Variants in TBPL2 observed in about 807,000 individuals in gnomAD.
The protein encoded by TBPL2 is TATA box-binding protein-like 2.
In TBPL2, 40 loss-of-function variants were observed where a neutral mutation model predicts 38.2. The observed-to-expected ratio is 1.05, with a 90% confidence interval of 0.81 to 1.36. The LOEUF (loss-of-function observed/expected upper bound fraction) is 1.36. Ranked by LOEUF, TBPL2 falls within the 40% of genes most tolerant of loss-of-function variation. TBPL2 has a pLI of 0.00. For synonymous variants in TBPL2, 169 were observed against 171.7 expected, an observed-to-expected ratio of 0.98 and a Z score of 0.12; for missense variants, 461 against 456.7, an observed-to-expected ratio of 1.01 and a Z score of -0.09.
At chr14:55,427,834 C>T (rs112989244) in intron 5 of TBPL2, among the ~76,000 whole-genome samples, 64 of 95,918 alleles carry the variant, frequency 6.7e-4, no homozygotes, top group Admixed American at 1.2e-3. Context: ...CAGCTATATA[C>T]ACACACACAC....
intron 6 of TBPL2, among the ~76,000 whole-genome samples, chr14:55,419,268 C>T (rs924134086): frequency 1.3e-5 from 2 of 152,206 alleles, no homozygotes; most frequent in Non-Finnish European, 1.5e-5. Flanking sequence ...TTCCATTTTA[C>T]AGGTGAGGAA....
chr14:55,422,006 A>T (rs1885752767), intron 6 of TBPL2, among the ~76,000 whole-genome samples: 1 of 152,220 alleles, frequency 6.6e-6, no homozygotes, highest in Non-Finnish European at 1.5e-5. Flanking sequence ...TAAAAATTAA[A>T]GTAATGAGGG....
rs887569246 is a variant in TBPL2, at chr14:55,431,498, C to T, written c.788+2132G>A. Reference sequence around the variant, plus strand: ...TGGCTAATACAATTTTACTTTATGACTTCAAATTGAAACCCTATTATTAAT... The same window carrying T: ...TGGCTAATACAATTTTACTTTATGATTTCAAATTGAAACCCTATTATTAAT... On this transcript the variant is annotated intron_variant, in intron 4 of 6. Transcript: ENST00000247219. Among the ~76,000 whole-genome samples the T allele has an allele frequency of 2.0e-5, 3 of 152,200 alleles. 1 individual carries two copies. The highest frequency in any genetic ancestry group is 4.4e-5 in the Non-Finnish European group (3 of 68,026).
intron 6 of TBPL2, among the ~76,000 whole-genome samples, chr14:55,416,951 A>G (rs1219494147): frequency 1.3e-5 from 2 of 152,254 alleles, no homozygotes; most frequent in Non-Finnish European, 2.9e-5. Flanking sequence ...AGGAGGTGGT[A>G]TAGCTCAGGA....
At chr14:55,436,444 G>C in intron 2 of TBPL2, 117 bp downstream of exon 2, 1 of 957,988 alleles carries the variant, frequency 1.0e-6, no homozygotes. Flanking sequence ...ATAAAACAAA[G>C]AATTATGAAA....
chr14:55,426,545 C>T (rs1885827097), intron 5 of TBPL2, among the ~76,000 whole-genome samples: 1 of 151,982 alleles, frequency 6.6e-6, no homozygotes, highest in East Asian at 1.9e-4. Flanking sequence ...GTTAAAAATT[C>T]AAATCTTCTA....
At chr14:55,429,527 G>A (rs1389093273) in intron 4 of TBPL2, among the ~76,000 whole-genome samples, 2 of 152,190 alleles carry the variant, frequency 1.3e-5, no homozygotes, top group Non-Finnish European at 2.9e-5. Flanking sequence ...ACTTTGGGAG[G>A]CTGAGGCAGG....
intron 5 of TBPL2, among the ~76,000 whole-genome samples, chr14:55,428,188 G>GGC (rs778001903): frequency 7.4e-6 from 1 of 134,306 alleles, no homozygotes; most frequent in Non-Finnish European, 1.5e-5. Flanking sequence ...GGAGTCCAGT[G>GGC]GCGCGAGGTC....
intron 6 of TBPL2, 45 bp from the exon 7 acceptor site, chr14:55,414,500 C>T (rs200877895): frequency 1.5e-6 from 2 of 1,371,658 alleles, no homozygotes; most frequent in South Asian, 1.4e-5. Flanking sequence ...ATAAAAATAC[C>T]AACATTTACT....
intron 6 of TBPL2, among the ~76,000 whole-genome samples, chr14:55,417,164 A>G (rs1405249513): frequency 1.3e-5 from 2 of 152,226 alleles, no homozygotes; most frequent in Non-Finnish European, 2.9e-5. Flanking sequence ...TCATAAAGGC[A>G]TAAGAAACAG....
chr14:55,418,274 G>A (rs539567748), intron 6 of TBPL2, among the ~76,000 whole-genome samples: 23 of 152,290 alleles, frequency 1.5e-4, no homozygotes, highest in African/African-American at 5.3e-4. Flanking sequence ...GTACTTGGTA[G>A]GCACCCAAAA....
At chr14:55,429,202 A>G (rs1299375139) in intron 4 of TBPL2, among the ~76,000 whole-genome samples, 2 of 152,166 alleles carry the variant, frequency 1.3e-5, no homozygotes, top group Admixed American at 1.3e-4. Context: ...TTTTGTCTTC[A>G]TTTGTCACCT....
exon 4 of TBPL2, chr14:55,433,654 T>C (rs537243228): frequency 6.2e-7 from 1 of 1,614,134 alleles, no homozygotes; most frequent in South Asian, 1.1e-5. Context: ...GCAGACCATC[T>C]TCCCAGAGCT....
At position 55,414,502 on chromosome 14, in the gene TBPL2, A is replaced by G. The variant is rs1260252081; in HGVS notation, c.1052-47T>C. The G allele has an allele frequency of 8.8e-6, 12 of 1,359,328 alleles. 1 individual carries two copies. Among genetic ancestry groups the G allele is most frequent in the Non-Finnish European group, 1.2e-5 (12 of 989,964 alleles). 84.2% of individuals were successfully genotyped at this position (1,359,328 alleles called of 1,614,324 possible). ...TATAATTTTTAATATAAAAATACCAACATTTACTTAAACACTAAAATTTCA... is the reference window on the plus strand; with the variant it reads ...TATAATTTTTAATATAAAAATACCAGCATTTACTTAAACACTAAAATTTCA... On this transcript the variant is annotated intron_variant, in intron 6 of 6. Coordinates refer to ENST00000247219, the Ensembl canonical transcript of TBPL2.
intron 6 of TBPL2, among the ~76,000 whole-genome samples, chr14:55,416,833 GTTC>G (rs1885676318): frequency 6.6e-6 from 1 of 152,172 alleles, no homozygotes; most frequent in African/African-American, 2.4e-5. Context: ...CAAAACCAAG[GTTC>G]TTCTTTTCAT....
At chr14:55,433,696 A>G in exon 4 of TBPL2, 1 of 1,614,038 alleles carries the variant, frequency 6.2e-7, no homozygotes, top group Non-Finnish European at 8.5e-7. Flanking sequence ...GGGCTCTCGG[A>G]TCCTCATTAT....
chr14:55,438,552 T>C (rs1664135360), intron 1 of TBPL2, among the ~76,000 whole-genome samples: 1 of 152,276 alleles, frequency 6.6e-6, no homozygotes, highest in Middle Eastern at 3.4e-3. Context: ...CAACAGTCAG[T>C]GTCTCCCTTC....
chr14:55,417,279 A>G (rs1172102439), intron 6 of TBPL2, among the ~76,000 whole-genome samples: 1 of 152,170 alleles, frequency 6.6e-6, no homozygotes, highest in Admixed American at 6.5e-5. Context: ...CAGTATTTGT[A>G]ACAGGTTGTT....
chr14:55,438,188 T>C (rs1341972699), intron 1 of TBPL2, among the ~76,000 whole-genome samples: 6 of 152,212 alleles, frequency 3.9e-5, no homozygotes. Flanking sequence ...GAATGCACCG[T>C]GTTGCATCTT....
Sources: gnomAD v4.1 joint callset for allele counts (sites outside exome capture counted in the v4.1 genomes callset) on GRCh38, gnomAD v4.1.1 for gene constraint, MANE v1.5 for transcripts, NCBI Gene and HGNC (gene_info 2026-07-23, HGNC 2026-07-21) for gene names.